Variants in UBAP2 observed in about 807,000 individuals in gnomAD.
UBAP2 encodes the protein ubiquitin-associated protein 2.
UBAP2 carries 75 observed loss-of-function variants against 139.6 expected under a neutral mutation model. The observed-to-expected ratio is 0.54, with a 90% CI of 0.45 to 0.65. UBAP2 has a LOEUF of 0.65. Among genes scored for constraint, UBAP2 ranks in the 30% least tolerant of loss-of-function variants. The probability of loss-of-function intolerance (pLI) is 0.00; values close to 1 mark genes in which losing one functional copy is unlikely to be tolerated. For missense variants in UBAP2, 1,368 were observed against 1,369.6 expected, an observed-to-expected ratio of 1.00 and a Z score of 0.02; for synonymous variants, 526 against 526.2, an observed-to-expected ratio of 1.00 and a Z score of 0.01.
At chr9:33,933,989 G>A (rs1824230642) in intron 17 of UBAP2, 4 of 190,924 alleles carry the variant, frequency 2.1e-5, no homozygotes, top group Non-Finnish European at 3.4e-5. Context: ...GAATTATAAC[G>A]TGAGGCAAAC....
chr9:33,948,142 TACC>T (rs1825801055), intron 13 of UBAP2, among the ~76,000 whole-genome samples: 2 of 152,198 alleles, frequency 1.3e-5, no homozygotes, highest in South Asian at 2.1e-4. Context: ...AGGCATGTAC[TACC>T]ACCACAATTA....
chr9:33,924,690 T>C (rs1411124799), intron 22 of UBAP2, among the ~76,000 whole-genome samples: 1 of 152,066 alleles, frequency 6.6e-6, no homozygotes, highest in Non-Finnish European at 1.5e-5. Flanking sequence ...TGCAGGGGCC[T>C]GAAAGGTTTA....
chr9:34,014,350 G>T (rs1291152915), intron 2 of UBAP2, among the ~76,000 whole-genome samples: 1 of 76,458 alleles, frequency 1.3e-5, no homozygotes, highest in African/African-American at 4.5e-5. Context: ...AAAAAAAAAG[G>T]TCAGGTGCGG....
chr9:34,018,643 C>T (rs898421023), intron 1 of UBAP2, among the ~76,000 whole-genome samples: 11 of 152,098 alleles, frequency 7.2e-5, no homozygotes, highest in African/African-American at 2.7e-4. Flanking sequence ...GCGGGAGGAC[C>T]ACAAGGTCAG....
Position 33,921,703 on chromosome 9 carries a change from G to A in UBAP2, c.*801C>T, listed in dbSNP as rs534395424. 2 of 152,828 alleles carry A rather than the reference G, an allele frequency of 1.3e-5. No homozygotes were observed. The highest frequency in any genetic ancestry group is 2.1e-4 in the South Asian group (1 of 4,832). 9.5% of individuals were successfully genotyped at this position (152,828 alleles called of 1,614,324 possible). On this transcript the variant is annotated 3_prime_UTR_variant, in exon 29 of 29. Coordinates refer to ENST00000379238, the MANE Select transcript of UBAP2 (RefSeq NM_001370062.2). ...CACACAGAGACCATGCATGCTCTCA[G>A]AACTTTATTAGGTGGGGATTGGGCA...
At chr9:33,949,034 G>A (rs925046408) in intron 12 of UBAP2, 1 of 160,886 alleles carries the variant, frequency 6.2e-6, no homozygotes, top group Admixed American at 6.0e-5. Context: ...GGGAGTTTTG[G>A]CAGGCGCTTG....
At position 33,923,009 on chromosome 9, in the gene UBAP2, G is replaced by A; in HGVS notation, c.3029C>T (p.Thr1010Ile). Residue 1010 changes from threonine to isoleucine, a missense_variant, in exon 27 of 29, where the codon ACT (threonine) becomes ATT (isoleucine). Thr to Ile is a moderately conservative substitution (Grantham distance 89). Transcript: ENST00000379238. ...GKGVSVSSST[T>I]GLPDMTGSVY... is the part of the protein sequence containing the mutation. ...AGAACCAGTCATATCAGGTAGACCA[G>A]TGGTGCTTGAAGACACTGATACTCC... is the stretch of plus-strand genomic sequence containing the variant. 6.2e-7 allele frequency: 1 copy of A among 1,614,168 alleles called. No individual in the cohort carries two copies. The highest frequency in any genetic ancestry group is 1.1e-5 in the South Asian group (1 of 91,076).
At chr9:33,986,623 G>C in intron 6 of UBAP2, 137 bp downstream of exon 6, 2 of 782,238 alleles carry the variant, frequency 2.6e-6, no homozygotes, top group Non-Finnish European at 4.4e-6. Context: ...ACAGGCATCA[G>C]TAAACAAATG....
At chr9:33,989,718 A>G (rs1435247602) in intron 4 of UBAP2, among the ~76,000 whole-genome samples, 1 of 152,196 alleles carries the variant, frequency 6.6e-6, no homozygotes, top group Non-Finnish European at 1.5e-5. Context: ...GGAATACAGT[A>G]AAAGTCATTT....
At chr9:33,949,422 G>A (rs1452598995) in intron 12 of UBAP2, among the ~76,000 whole-genome samples, 1 of 152,060 alleles carries the variant, frequency 6.6e-6, no homozygotes, top group Non-Finnish European at 1.5e-5. Flanking sequence ...TACAGGTCAG[G>A]CTGGGCGCAG....
chr9:33,927,493 G>A (rs559897433), intron 20 of UBAP2, among the ~76,000 whole-genome samples: 19 of 152,316 alleles, frequency 1.2e-4, no homozygotes, highest in African/African-American at 3.6e-4. Context: ...AGACAGCCTA[G>A]GTCTGCAGTC....
intron 19 of UBAP2, among the ~76,000 whole-genome samples, chr9:33,929,674 A>G (rs2130871985): frequency 6.6e-6 from 1 of 152,342 alleles, no homozygotes; most frequent in South Asian, 2.1e-4. Context: ...AATAGAGACC[A>G]AAGACCTGAC....
intron 6 of UBAP2, among the ~76,000 whole-genome samples, chr9:33,976,119 G>A (rs1449860813): frequency 1.3e-5 from 2 of 152,132 alleles, no homozygotes; most frequent in African/African-American, 2.4e-5. Flanking sequence ...AGGTATTACT[G>A]TGACTTACAA....
intron 16 of UBAP2, among the ~76,000 whole-genome samples, chr9:33,939,762 AG>A (rs1824930952): frequency 3.6e-5 from 1 of 28,118 alleles, no homozygotes; most frequent in Admixed American, 3.6e-4. Flanking sequence ...GGGGAGGGGG[AG>A]GGGGAGGAGG....
chr9:33,963,217 G>C (rs1011721275), intron 9 of UBAP2, among the ~76,000 whole-genome samples: 1 of 152,130 alleles, frequency 6.6e-6, no homozygotes. Context: ...AATTACAGGG[G>C]AAACTCCCAT....
chr9:34,018,244 TTTA>T (rs1824565798), intron 1 of UBAP2, among the ~76,000 whole-genome samples: 1 of 151,832 alleles, frequency 6.6e-6, no homozygotes, highest in Non-Finnish European at 1.5e-5. Flanking sequence ...TTTTTTTTTT[TTTA>T]GACAGAAGAG....
At chr9:33,967,982 A>G (rs1469222921) in intron 8 of UBAP2, 4 of 255,740 alleles carry the variant, frequency 1.6e-5, no homozygotes. Context: ...ATTCTTTTCC[A>G]CATTTCACAA....
At chr9:34,033,042 A>G (rs1248759442) in intron 1 of UBAP2, among the ~76,000 whole-genome samples, 1 of 152,192 alleles carries the variant, frequency 6.6e-6, no homozygotes, top group Non-Finnish European at 1.5e-5. Flanking sequence ...TACAACTACT[A>G]TGGAAAACAA....
At chr9:34,041,387 C>G (rs1206780765) in intron 1 of UBAP2, among the ~76,000 whole-genome samples, 3 of 150,904 alleles carry the variant, frequency 2.0e-5, no homozygotes, top group Non-Finnish European at 4.4e-5. Flanking sequence ...ATTGCTTGAA[C>G]CCAGGAGGCA....
Sources: gnomAD v4.1 joint callset for allele counts (sites outside exome capture counted in the v4.1 genomes callset) on GRCh38, gnomAD v4.1.1 for gene constraint, MANE v1.5 for transcripts, NCBI Gene and HGNC (gene_info 2026-07-23, HGNC 2026-07-21) for gene names.